Variants in METTL15 observed in about 807,000 individuals in gnomAD.
METTL15 encodes the protein 12S rRNA N(4)-cytidine methyltransferase METTL15.
Under a neutral mutation model 38.3 loss-of-function variants are expected in METTL15, and 34 were observed. That is an observed-to-expected ratio of 0.89 (90% CI 0.68 to 1.18). METTL15 has a LOEUF of 1.18. METTL15 is among the 50% of genes most tolerant of loss of function. The pLI, the probability that METTL15 is intolerant of heterozygous loss-of-function variation, is 0.00. For missense variants in METTL15, 438 were observed against 498.4 expected, an observed-to-expected ratio of 0.88 and a Z score of 1.15; for synonymous variants, 162 against 170.9, an observed-to-expected ratio of 0.95 and a Z score of 0.41.
intron 4 of METTL15, among the ~76,000 whole-genome samples, chr11:28,257,685 A>G (rs1855029178): frequency 6.6e-6 from 1 of 152,102 alleles, no homozygotes. Flanking sequence ...ATTCCGATGC[A>G]TTCTTCAGTA....
chr11:28,187,545 C>T (rs190488621), intron 3 of METTL15, among the ~76,000 whole-genome samples: 106 of 143,698 alleles, frequency 7.4e-4, no homozygotes, highest in South Asian at 6.3e-3. Context: ...TTTTTTAACA[C>T]GGACCGATGT....
At chr11:28,303,422 CCAGT>C (rs1856977487) in intron 6 of METTL15, among the ~76,000 whole-genome samples, 1 of 151,898 alleles carries the variant, frequency 6.6e-6, no homozygotes, top group South Asian at 2.1e-4. Flanking sequence ...AAGAAGTATA[CCAGT>C]CACTTTTCAG....
chr11:28,506,743 T>TC (rs1851630758), intron 6 of METTL15, among the ~76,000 whole-genome samples: 1 of 40,508 alleles, frequency 2.5e-5, no homozygotes, highest in Non-Finnish European at 7.5e-5. Flanking sequence ...TCTCTTTTTT[T>TC]TTTTTTTTTT....
chr11:28,411,626 C>T (rs1850724952), intron 5 of METTL15, among the ~76,000 whole-genome samples: 1 of 45,738 alleles, frequency 2.2e-5, no homozygotes, highest in Admixed American at 3.0e-4. Flanking sequence ...AGACTTGAAG[C>T]TCTAAAATTC....
intron 3 of METTL15, among the ~76,000 whole-genome samples, chr11:28,128,673 C>G (rs1012394810): frequency 6.6e-6 from 1 of 152,086 alleles, no homozygotes; most frequent in Non-Finnish European, 1.5e-5. Flanking sequence ...TGCAATCACT[C>G]TTTTTCCCTT....
At chr11:28,206,261 A>C (rs1852337409) in intron 3 of METTL15, among the ~76,000 whole-genome samples, 1 of 151,536 alleles carries the variant, frequency 6.6e-6, no homozygotes, top group African/African-American at 2.4e-5. Flanking sequence ...TAAATCTTTA[A>C]TCCATCTTGA....
At chr11:28,426,787 A>AT (rs907107303) in intron 6 of METTL15, among the ~76,000 whole-genome samples, 52 of 140,824 alleles carry the variant, frequency 3.7e-4, no homozygotes, top group African/African-American at 9.4e-4. Context: ...GGTGTTGTTT[A>AT]TTTTTTTTTT....
chr11:28,116,632 G>A (rs1183354724), intron 3 of METTL15, among the ~76,000 whole-genome samples: 1 of 152,182 alleles, frequency 6.6e-6, no homozygotes, highest in African/African-American at 2.4e-5. Flanking sequence ...TACTACAATG[G>A]CTAGATGTTG....
chr11:28,515,736 T>C (rs1482664298), intron 6 of METTL15, among the ~76,000 whole-genome samples: 2 of 152,212 alleles, frequency 1.3e-5, no homozygotes, highest in Non-Finnish European at 2.9e-5. Context: ...TTAATCTACA[T>C]TGAACCAGCA....
chr11:28,454,693 A>G (rs1851153011), intron 6 of METTL15, among the ~76,000 whole-genome samples: 1 of 152,230 alleles, frequency 6.6e-6, no homozygotes, highest in Non-Finnish European at 1.5e-5. Context: ...ATGCGCTTAT[A>G]TCAACATATT....
chr11:28,362,284 T>C (rs886406459), intron 5 of METTL15, among the ~76,000 whole-genome samples: 16 of 152,206 alleles, frequency 1.1e-4, no homozygotes, highest in African/African-American at 3.6e-4. Context: ...ACATATCATA[T>C]TGCATTGGGT....
chr11:28,354,230 C>A (rs983853067), intron 4 of METTL15, among the ~76,000 whole-genome samples: 1 of 152,254 alleles, frequency 6.6e-6, no homozygotes, highest in South Asian at 2.1e-4. Flanking sequence ...ATCTGCAGAG[C>A]ACACCAGAAC....
intron 6 of METTL15, among the ~76,000 whole-genome samples, chr11:28,324,239 A>G (rs1849561525): frequency 6.6e-6 from 1 of 152,224 alleles, no homozygotes; most frequent in South Asian, 2.1e-4. Flanking sequence ...TCTTAACAAT[A>G]TTGTGCATTA....
chr11:28,477,726 A>G (rs1265157127), intron 6 of METTL15, among the ~76,000 whole-genome samples: 1 of 152,184 alleles, frequency 6.6e-6, no homozygotes, highest in Non-Finnish European at 1.5e-5. Flanking sequence ...AAATAATTTT[A>G]TGGAGTCAAT....
At chr11:28,255,012 G>A (rs952438003) in intron 4 of METTL15, among the ~76,000 whole-genome samples, 3 of 152,076 alleles carry the variant, frequency 2.0e-5, no homozygotes, top group African/African-American at 7.2e-5. Context: ...GAATGTCTTT[G>A]ATATTTCGGC....
chr11:28,430,471 T>C (rs559168380), intron 6 of METTL15, among the ~76,000 whole-genome samples: 3 of 36,184 alleles, frequency 8.3e-5, no homozygotes, highest in African/African-American at 3.4e-4. Context: ...CCCCTCAGCC[T>C]GGCCAGCCAC....
chr11:28,461,889 A>G (rs1172229691), intron 6 of METTL15, among the ~76,000 whole-genome samples: 1 of 152,084 alleles, frequency 6.6e-6, no homozygotes. Flanking sequence ...GACATACAGG[A>G]TTGGAAATTT....
At position 28,212,178 on chromosome 11, in the gene METTL15, A is replaced by C. The variant is rs142836052; in HGVS notation, c.407+980A>C. Among the ~76,000 whole-genome samples, 503 of 152,176 alleles carry C rather than the reference A, an allele frequency of 3.3e-3. 2 individuals carry two copies. The highest frequency in any genetic ancestry group is 0.012 in the African/African-American group (492 of 41,556). ...CCCAAACTCTTTGCAAATCTAATGA[A>C]TGTGATTAACTCTCCCCATAAAACT... On this transcript the variant is annotated intron_variant, in intron 4 of 6. Transcript: ENST00000407364.
At chr11:28,282,885 T>C (rs1027617581) in intron 4 of METTL15, among the ~76,000 whole-genome samples, 3 of 152,164 alleles carry the variant, frequency 2.0e-5, no homozygotes, top group African/African-American at 7.2e-5. Flanking sequence ...CATAGAATCA[T>C]AAGAAGCTAC....
Sources: gnomAD v4.1 joint callset for allele counts (sites outside exome capture counted in the v4.1 genomes callset) on GRCh38, gnomAD v4.1.1 for gene constraint, MANE v1.5 for transcripts, NCBI Gene and HGNC (gene_info 2026-07-23, HGNC 2026-07-21) for gene names.